KCNK10: variants seen among roughly 807,000 people sequenced by gnomAD.
The protein encoded by KCNK10 is potassium channel subfamily K member 10.
KCNK10 carries 25 observed loss-of-function variants against 47.7 expected under a neutral mutation model. That is an observed-to-expected ratio of 0.52 (90% CI 0.38 to 0.73). The LOEUF is 0.73. Ranked by LOEUF, KCNK10 falls within the 30% of genes least tolerant of loss-of-function variation. The pLI is 0.00. For synonymous variants in KCNK10, 303 were observed against 285.6 expected (o/e 1.06, Z -0.61); for missense variants, 563 against 714.5 (o/e 0.79, Z 2.42).
intron 2 of KCNK10, among the ~76,000 whole-genome samples, chr14:88,249,431 C>A (rs1886733085): frequency 6.6e-6 from 1 of 152,162 alleles, no homozygotes; most frequent in South Asian, 2.1e-4. Context: ...CGACTCACTG[C>A]AGTTGACTCA....
At chr14:88,254,164 C>G (rs17124376) in intron 2 of KCNK10, among the ~76,000 whole-genome samples, 47 of 152,228 alleles carry the variant, frequency 3.1e-4, no homozygotes, top group African/African-American at 1.1e-3. Context: ...TGGAGAGACC[C>G]CTCTTGCTGG....
chr14:88,326,319 A>C, upstream of KCNK10: 5 of 901,018 alleles, frequency 5.5e-6, no homozygotes, highest in East Asian at 2.4e-5. Flanking sequence ...ATGGAGGGAG[A>C]CCTCCCTCCC....
At chr14:88,219,965 G>A (rs557659771) in intron 4 of KCNK10, among the ~76,000 whole-genome samples, 4 of 152,294 alleles carry the variant, frequency 2.6e-5, no homozygotes, top group Admixed American at 6.5e-5. Context: ...CTCCCTTGCA[G>A]ATGCTAATGT....
chr14:88,227,420 T>C lies in KCNK10; in HGVS notation c.636A>G (p.Gly212=). Residue 212 remains glycine (G), a synonymous_variant, in exon 4 of 7, where the codon GGA becomes GGG. Transcript: ENST00000319231. ...TTGCAATGCTTTTCCCAAAGATGGTTCCAAGTTGGTCTCCAATTCCAGCCA... is the reference window on the plus strand; with the variant it reads ...TTGCAATGCTTTTCCCAAAGATGGTCCCAAGTTGGTCTCCAATTCCAGCCA... ...FLLAGIGDQL[G]TIFGKSIARV... is the part of the protein sequence containing the mutation. 6.2e-7 allele frequency: 1 copy of C among 1,613,698 alleles called. No homozygotes were observed. The highest frequency in any genetic ancestry group is 8.5e-7 in the Non-Finnish European group (1 of 1,179,858).
At chr14:88,291,756 G>A (rs977842470) in intron 1 of KCNK10, among the ~76,000 whole-genome samples, 17 of 152,198 alleles carry the variant, frequency 1.1e-4, no homozygotes, top group African/African-American at 3.9e-4. Context: ...ACATGGGTGC[G>A]CAGTGTTTGG....
intron 4 of KCNK10, among the ~76,000 whole-genome samples, chr14:88,219,860 G>T (rs1885741269): frequency 6.6e-6 from 1 of 152,118 alleles, no homozygotes; most frequent in Non-Finnish European, 1.5e-5. Context: ...TGGTCCAAGG[G>T]ATACTGATGC....
intron 4 of KCNK10, among the ~76,000 whole-genome samples, chr14:88,219,143 C>T (rs1885716250): frequency 6.6e-6 from 1 of 152,058 alleles, no homozygotes. Flanking sequence ...TAGTAGTATT[C>T]CCCCCGAAGA....
intron 3 of KCNK10, among the ~76,000 whole-genome samples, chr14:88,230,088 G>C (rs1886113780): frequency 6.6e-6 from 1 of 152,168 alleles, no homozygotes; most frequent in Non-Finnish European, 1.5e-5. Flanking sequence ...AGCTATTAAA[G>C]ATTAAATGAG....
At chr14:88,257,904 GA>G (rs1305477767) in intron 2 of KCNK10, among the ~76,000 whole-genome samples, 15 of 152,032 alleles carry the variant, frequency 9.9e-5, no homozygotes, top group African/African-American at 3.1e-4. Context: ...TTCTTTGTGG[GA>G]GGGGGGGTCT....
Position 88,220,144 on chromosome 14 carries a change from G to A in KCNK10, c.681+7231C>T, listed in dbSNP as rs375407851. 1.8e-3 allele frequency among the ~76,000 whole-genome samples: 269 copies of A among 152,226 alleles called. 1 individual carries two copies. The highest frequency in any genetic ancestry group is 6.1e-3 in the African/African-American group (252 of 41,534). On this transcript the variant is annotated intron_variant, in intron 4 of 6. Coordinates refer to ENST00000319231, the MANE Select transcript of KCNK10 (RefSeq NM_138317.3). ...GAATTACTATAGAGCGTGGCCGGGC[G>A]CGGTGGCTCACGCCTGTAATCCCAG...
At chr14:88,207,494 T>A (rs2139846492) in intron 4 of KCNK10, among the ~76,000 whole-genome samples, 1 of 152,262 alleles carries the variant, frequency 6.6e-6, no homozygotes, top group South Asian at 2.1e-4. Context: ...TGTTTATCTT[T>A]TTTTAGAGGG....
intron 2 of KCNK10, among the ~76,000 whole-genome samples, chr14:88,251,605 A>C (rs1169382455): frequency 6.6e-6 from 1 of 152,242 alleles, no homozygotes; most frequent in Non-Finnish European, 1.5e-5. Flanking sequence ...TATTGAATTA[A>C]TGAACAAATA....
chr14:88,249,847 A>T (rs7160546), intron 2 of KCNK10, among the ~76,000 whole-genome samples: 2 of 152,050 alleles, frequency 1.3e-5, no homozygotes, highest in East Asian at 1.9e-4. Context: ...GACAGGGTGG[A>T]GGCATCTTGC....
chr14:88,207,756 T>C (rs1338271114), intron 4 of KCNK10, among the ~76,000 whole-genome samples: 1 of 152,208 alleles, frequency 6.6e-6, no homozygotes, highest in Non-Finnish European at 1.5e-5. Context: ...AACAGGCAGA[T>C]GGGACCCGAC....
At chr14:88,231,087 C>T (rs559426511) in intron 3 of KCNK10, among the ~76,000 whole-genome samples, 3 of 151,982 alleles carry the variant, frequency 2.0e-5, no homozygotes, top group South Asian at 4.2e-4. Flanking sequence ...CCAGCCTGAA[C>T]AATATTGTGA....
chr14:88,248,379 T>A (rs1886700579), intron 2 of KCNK10, among the ~76,000 whole-genome samples: 1 of 152,194 alleles, frequency 6.6e-6, no homozygotes, highest in Non-Finnish European at 1.5e-5. Flanking sequence ...TTATTGTAGC[T>A]ATTTACCTTA....
chr14:88,209,521 T>C (rs1376938558), intron 4 of KCNK10, among the ~76,000 whole-genome samples: 2 of 152,256 alleles, frequency 1.3e-5, no homozygotes, highest in Non-Finnish European at 2.9e-5. Context: ...TCTGCACTCT[T>C]GCTTGTGCTG....
At chr14:88,278,186 T>A (rs1197011475) in intron 1 of KCNK10, among the ~76,000 whole-genome samples, 1 of 152,040 alleles carries the variant, frequency 6.6e-6, no homozygotes, top group African/African-American at 2.4e-5. Flanking sequence ...GCACCCAAAA[T>A]CTCAGAGAGC....
chr14:88,277,587 A>G (rs970125385), intron 1 of KCNK10, among the ~76,000 whole-genome samples: 3 of 14,268 alleles, frequency 2.1e-4, no homozygotes, highest in Non-Finnish European at 5.8e-3. Context: ...GTGTTTTTGA[A>G]ATATTCATAA....
Sources: allele counts gnomAD v4.1 joint callset (sites outside exome capture counted in the v4.1 genomes callset), GRCh38; gene constraint gnomAD v4.1.1; transcripts MANE v1.5; gene names NCBI Gene and HGNC (gene_info 2026-07-23, HGNC 2026-07-21).